Variants in GALNT13 observed in about 807,000 individuals in gnomAD.
GALNT13 encodes the protein polypeptide N-acetylgalactosaminyltransferase 13.
GALNT13 carries 28 observed loss-of-function variants against 64.2 expected under a neutral mutation model. The observed-to-expected ratio is 0.44, with a 90% CI of 0.32 to 0.60. GALNT13 has a LOEUF of 0.60. GALNT13 is among the 20% of genes least tolerant of loss of function. The pLI is 0.05. For missense variants in GALNT13, 577 were observed against 669.8 expected, an observed-to-expected ratio of 0.86 and a Z score of 1.53; for synonymous variants, 214 against 224.6, an observed-to-expected ratio of 0.95 and a Z score of 0.42.
chr2:153,662,464 T>C, the GALNT13 span, among the ~76,000 whole-genome samples: 4 of 152,210 alleles, frequency 2.6e-5, no homozygotes, highest in Non-Finnish European at 5.9e-5. Flanking sequence ...GGCAGATTCA[T>C]TTCTGTAATT....
At chr2:153,446,991 A>G in the GALNT13 span, 1 of 152,208 alleles carries the variant, frequency 6.6e-6, no homozygotes, top group East Asian at 1.9e-4. Context: ...TTATTTCCAA[A>G]TATACATAGA....
chr2:153,317,275 T>G, the GALNT13 span, among the ~76,000 whole-genome samples: 4 of 152,140 alleles, frequency 2.6e-5, no homozygotes, highest in African/African-American at 9.7e-5. Context: ...GCATGGTTAT[T>G]GAAGAGACAC....
chr2:153,271,198 G>C, the GALNT13 span, among the ~76,000 whole-genome samples: 1 of 152,108 alleles, frequency 6.6e-6, no homozygotes, highest in African/African-American at 2.4e-5. Context: ...AATTCCCTTT[G>C]AAAACCAACA....
chr2:153,825,804 A>G, the GALNT13 span, among the ~76,000 whole-genome samples: 1 of 152,234 alleles, frequency 6.6e-6, no homozygotes, highest in African/African-American at 2.4e-5. Context: ...GGGATAACTG[A>G]GATAACATAT....
At chr2:153,708,688 T>A in the GALNT13 span, among the ~76,000 whole-genome samples, 2 of 151,986 alleles carry the variant, frequency 1.3e-5, no homozygotes, top group African/African-American at 4.8e-5. Flanking sequence ...AAAAGTAAAA[T>A]TCAAAAACAA....
chr2:153,225,747 C>T, the GALNT13 span, among the ~76,000 whole-genome samples: 1 of 151,942 alleles, frequency 6.6e-6, no homozygotes, highest in East Asian at 1.9e-4. Context: ...AAATAAAATT[C>T]TTGGGTATAA....
At chr2:154,183,347 C>G (rs1686067782) in intron 4 of GALNT13, among the ~76,000 whole-genome samples, 1 of 152,022 alleles carries the variant, frequency 6.6e-6, no homozygotes, top group Non-Finnish European at 1.5e-5. Context: ...ATCCTTTATA[C>G]TTGTGGACTC....
chr2:153,815,013 C>T, the GALNT13 span, among the ~76,000 whole-genome samples: 3 of 152,048 alleles, frequency 2.0e-5, no homozygotes, highest in Admixed American at 6.6e-5. Context: ...TTATTATTTC[C>T]TAGTTCTATG....
the GALNT13 span, among the ~76,000 whole-genome samples, chr2:153,130,228 A>G: frequency 6.6e-6 from 1 of 152,066 alleles, no homozygotes; most frequent in South Asian, 2.1e-4. Context: ...TATTCTTAAC[A>G]CAGTAGCAGC....
the GALNT13 span, among the ~76,000 whole-genome samples, chr2:153,569,733 A>G: frequency 6.6e-6 from 1 of 152,090 alleles, no homozygotes; most frequent in Non-Finnish European, 1.5e-5. Context: ...TGAACAATTA[A>G]ATTATTATTA....
the GALNT13 span, among the ~76,000 whole-genome samples, chr2:153,268,400 G>A: frequency 6.6e-6 from 1 of 152,184 alleles, no homozygotes; most frequent in South Asian, 2.1e-4. Context: ...GATGCAACAG[G>A]TGAGCTCCCA....
At chr2:153,772,364 G>C in the GALNT13 span, among the ~76,000 whole-genome samples, 1 of 152,162 alleles carries the variant, frequency 6.6e-6, no homozygotes, top group African/African-American at 2.4e-5. Context: ...GGCTTCAGAG[G>C]AACTAGGTGC....
chr2:154,076,851 CA>C (rs1701014641), intron 3 of GALNT13, among the ~76,000 whole-genome samples: 1 of 151,540 alleles, frequency 6.6e-6, no homozygotes, highest in Admixed American at 6.6e-5. Context: ...GGCTTCACTG[CA>C]AAATACGTTA....
chr2:153,935,691 A>C (rs1690858851), intron 2 of GALNT13, among the ~76,000 whole-genome samples: 1 of 152,218 alleles, frequency 6.6e-6, no homozygotes, highest in African/African-American at 2.4e-5. Context: ...CACTTGGAAG[A>C]GATGACAAAT....
the GALNT13 span, among the ~76,000 whole-genome samples, chr2:153,583,887 T>G: frequency 6.6e-6 from 1 of 152,110 alleles, no homozygotes; most frequent in Non-Finnish European, 1.5e-5. Flanking sequence ...CAGCTGCTGG[T>G]GCTAGAACCA....
chr2:153,288,454 C>T, the GALNT13 span, among the ~76,000 whole-genome samples: 3 of 152,166 alleles, frequency 2.0e-5, no homozygotes, highest in East Asian at 5.8e-4. Context: ...AAATTGGACA[C>T]CATTCTGAGT....
the GALNT13 span, among the ~76,000 whole-genome samples, chr2:153,374,567 A>C: frequency 6.6e-6 from 1 of 152,098 alleles, no homozygotes; most frequent in Non-Finnish European, 1.5e-5. Flanking sequence ...TTCTGTGTTC[A>C]ATCTAATAGA....
the GALNT13 span, among the ~76,000 whole-genome samples, chr2:153,644,446 T>A: frequency 6.6e-6 from 1 of 152,030 alleles, no homozygotes; most frequent in Non-Finnish European, 1.5e-5. Flanking sequence ...TGTAAGATCA[T>A]CAGACCAGTT....
chr2:153,548,567 A>C, the GALNT13 span, among the ~76,000 whole-genome samples: 61,173 of 151,968 alleles, frequency 0.4, 12,371 homozygotes, highest in South Asian at 0.54. Context: ...ACTACCTTAG[A>C]CTACAGTGAT....
Sources: allele counts gnomAD v4.1 joint callset (sites outside exome capture counted in the v4.1 genomes callset), GRCh38; gene constraint gnomAD v4.1.1; transcripts MANE v1.5; gene names NCBI Gene and HGNC (gene_info 2026-07-23, HGNC 2026-07-21).